VAT1L: variants seen among roughly 807,000 people sequenced by gnomAD.
VAT1L encodes vesicle amine transport 1 like.
In VAT1L, 34 loss-of-function variants were observed where a neutral mutation model predicts 44.1. That is an observed-to-expected ratio of 0.77 (90% confidence interval 0.59 to 1.03). VAT1L has a LOEUF of 1.03. Among genes scored for constraint, VAT1L ranks in the 50% least tolerant of loss-of-function variants. The pLI, the probability that VAT1L is intolerant of heterozygous loss-of-function variation, is 0.00. For synonymous variants in VAT1L, 253 were observed against 202.2 expected (o/e 1.25, Z -2.13); for missense variants, 615 against 538.8 (o/e 1.14, Z -1.40).
At position 77,936,113 on chromosome 16, in the gene VAT1L, G is replaced by C. The variant is rs562922458; in HGVS notation, c.1078-35737G>C. ...GTTGTGGGGAGACTATCGCACCACT[G>C]ACTTTTCTTATAACTTCCCAGGACT... On this transcript the variant is annotated intron_variant, in intron 7 of 8. Transcript: ENST00000302536. 7.9e-5 allele frequency among the ~76,000 whole-genome samples: 12 copies of C among 152,274 alleles called. No individual in the cohort carries two copies. The East Asian group carries it at 2.3e-3, about 29-fold the overall frequency.
At chr16:77,849,048 C>A (rs189526042) in intron 3 of VAT1L, among the ~76,000 whole-genome samples, 2 of 152,004 alleles carry the variant, frequency 1.3e-5, no homozygotes, top group Non-Finnish European at 2.9e-5. Context: ...CAAGGGGTGG[C>A]GGACTAGGGG....
chr16:77,973,543 A>G (rs561738421), intron 8 of VAT1L, among the ~76,000 whole-genome samples: 2 of 152,240 alleles, frequency 1.3e-5, no homozygotes, highest in Non-Finnish European at 2.9e-5. Flanking sequence ...TCAGCCTCCC[A>G]AAGTGTTGGG....
At chr16:77,816,860 G>C in intron 1 of VAT1L, 61 bp from the exon 2 acceptor site, 1 of 1,503,282 alleles carries the variant, frequency 6.7e-7, no homozygotes, top group South Asian at 1.4e-5. Context: ...AGAAAACCAG[G>C]TCGGTGCTTT....
intron 7 of VAT1L, among the ~76,000 whole-genome samples, chr16:77,944,053 C>T (rs187212273): frequency 1.2e-3 from 187 of 152,278 alleles, no homozygotes; most frequent in African/African-American, 3.9e-3. Context: ...GGAGCAGTTT[C>T]GTCCTTTGAG....
intron 7 of VAT1L, among the ~76,000 whole-genome samples, chr16:77,926,602 G>A (rs562469198): frequency 6.6e-6 from 1 of 152,088 alleles, no homozygotes; most frequent in Non-Finnish European, 1.5e-5. Flanking sequence ...AGAAGTAGGG[G>A]TAAGAGCTAA....
chr16:77,925,066 C>T (rs1414006776), intron 7 of VAT1L, among the ~76,000 whole-genome samples: 1 of 152,168 alleles, frequency 6.6e-6, no homozygotes, highest in Non-Finnish European at 1.5e-5. Context: ...TAAAGCTCCT[C>T]ATGGAATGTT....
intron 7 of VAT1L, among the ~76,000 whole-genome samples, chr16:77,916,326 TG>T (rs1367646001): frequency 3.9e-5 from 6 of 152,296 alleles, no homozygotes; most frequent in African/African-American, 1.4e-4. Flanking sequence ...CAACATGGTA[TG>T]GCGCAAGGGG....
Position 77,788,777 on chromosome 16 carries a change from G to T in VAT1L, c.95G>T (p.Gly32Val). 1 of 1,563,730 alleles carries T rather than the reference G, an allele frequency of 6.4e-7. No homozygotes were observed. Among genetic ancestry groups the T allele is most frequent in the Non-Finnish European group, 8.7e-7 (1 of 1,154,668 alleles). Residue 32 changes from glycine (G) to valine (V), a missense_variant, in exon 1 of 9, where the codon GGC becomes GTC. Coordinates refer to ENST00000302536, the MANE Select transcript of VAT1L (RefSeq NM_020927.3). ...CCGGCGGAGGGCGGCGGCGGCGACG[G>T]CTCGCACCGCCTCGGGGACGCCCAG... The part of the protein sequence containing the change: ...KEPAEGGGGD[G>V]SHRLGDAQEM...
At chr16:77,914,477 G>A (rs980900773) in intron 7 of VAT1L, among the ~76,000 whole-genome samples, 7 of 152,164 alleles carry the variant, frequency 4.6e-5, no homozygotes, top group Non-Finnish European at 4.4e-5. Context: ...TACAATCCGG[G>A]CTTGATTTAT....
intron 1 of VAT1L, among the ~76,000 whole-genome samples, chr16:77,795,813 C>CTTTTTTTTTTT (rs56725954): frequency 2.3e-3 from 236 of 100,608 alleles, no homozygotes; most frequent in East Asian, 4.9e-3. Flanking sequence ...CCTTTTTTCT[C>CTTTTTTTTTTT]TTTTTTTTTT....
intron 7 of VAT1L, among the ~76,000 whole-genome samples, chr16:77,937,350 C>T (rs868096698): frequency 2.0e-5 from 3 of 152,324 alleles, no homozygotes; most frequent in African/African-American, 7.2e-5. Context: ...CAGTGAGCCG[C>T]CGTTGCCCAC....
At chr16:77,881,817 T>G (rs1227017979) in intron 6 of VAT1L, among the ~76,000 whole-genome samples, 1 of 152,274 alleles carries the variant, frequency 6.6e-6, no homozygotes, top group Non-Finnish European at 1.5e-5. Flanking sequence ...AGCTGCTCTG[T>G]TGCTGTGGCT....
At chr16:77,877,574 G>C (rs1465565080) in intron 5 of VAT1L, among the ~76,000 whole-genome samples, 1 of 144,570 alleles carries the variant, frequency 6.9e-6, no homozygotes, top group Non-Finnish European at 1.5e-5. Flanking sequence ...TAAAATAGGA[G>C]TATTTGAAGC....
chr16:77,792,381 G>T (rs2015850601), intron 1 of VAT1L, among the ~76,000 whole-genome samples: 1 of 152,210 alleles, frequency 6.6e-6, no homozygotes, highest in South Asian at 2.1e-4. Flanking sequence ...CTCCTTGGAG[G>T]CAGAACCTGA....
chr16:77,817,633 A>T (rs933148388), intron 2 of VAT1L, among the ~76,000 whole-genome samples: 5 of 152,208 alleles, frequency 3.3e-5, no homozygotes, highest in African/African-American at 1.2e-4. Flanking sequence ...GAAGTAGGGA[A>T]ATGGGCAAAA....
intron 8 of VAT1L, among the ~76,000 whole-genome samples, chr16:77,975,672 G>A (rs960186529): frequency 2.6e-4 from 40 of 152,236 alleles, no homozygotes; most frequent in Admixed American, 2.2e-3. Context: ...AATTTCCTGG[G>A]AAACACTAAG....
chr16:77,960,557 A>G (rs892720836), intron 7 of VAT1L, among the ~76,000 whole-genome samples: 2 of 152,200 alleles, frequency 1.3e-5, no homozygotes, highest in Non-Finnish European at 2.9e-5. Flanking sequence ...GACCCATCAC[A>G]AGGCAGGAAT....
intron 3 of VAT1L, among the ~76,000 whole-genome samples, chr16:77,852,835 C>A (rs961811528): frequency 6.6e-6 from 1 of 152,168 alleles, no homozygotes; most frequent in African/African-American, 2.4e-5. Flanking sequence ...CCTGGTATTA[C>A]TGTGTGACTG....
chr16:77,957,732 AAAAT>A (rs1362508067), intron 7 of VAT1L, among the ~76,000 whole-genome samples: 5 of 149,774 alleles, frequency 3.3e-5, no homozygotes, highest in African/African-American at 4.9e-5. Flanking sequence ...TCAAAAAAAT[AAAAT>A]AAATAAAACA....
Sources: gnomAD v4.1 joint callset for allele counts (sites outside exome capture counted in the v4.1 genomes callset) on GRCh38, gnomAD v4.1.1 for gene constraint, MANE v1.5 for transcripts, NCBI Gene and HGNC (gene_info 2026-07-23, HGNC 2026-07-21) for gene names.